DMD: variants seen among roughly 807,000 people sequenced by gnomAD.
The protein encoded by DMD is dystrophin, also known as mutant dystrophin.
Under a neutral mutation model 330.1 loss-of-function variants are expected in DMD, and 63 were observed. The observed-to-expected ratio is 0.19, with a 90% CI of 0.16 to 0.24. The LOEUF (loss-of-function observed/expected upper bound fraction) is 0.24, where lower values mean the gene tolerates loss of function less well. Among genes scored for constraint, DMD ranks in the 10% least tolerant of loss-of-function variants. The pLI is 1.00. For synonymous variants in DMD, 1,223 were observed against 959.8 expected (o/e 1.27, Z -5.07); for missense variants, 3,344 against 2,684.1 (o/e 1.25, Z -5.43).
chrX:32,618,062 T>G (rs903031910), intron 11 of DMD, among the ~76,000 whole-genome samples: 2 of 112,032 alleles, frequency 1.8e-5, no homozygotes, highest in Non-Finnish European at 3.8e-5. Flanking sequence ...TATACACTGT[T>G]TGTGGGAGTG....
chrX:31,822,351 T>C (rs2092779976), intron 49 of DMD, among the ~76,000 whole-genome samples: 1 of 111,951 alleles, frequency 8.9e-6, no homozygotes, highest in South Asian at 3.7e-4. Flanking sequence ...GTATCGAGCC[T>C]TAAAAAAGAA....
At chrX:33,191,480 G>A (rs1186579042) in intron 1 of DMD, among the ~76,000 whole-genome samples, 3 of 110,408 alleles carry the variant, frequency 2.7e-5, no homozygotes, top group African/African-American at 9.9e-5. Flanking sequence ...CTGGAGTGCA[G>A]TGGCACGAAC....
chrX:31,261,107 A>T, intron 62 of DMD, 91 bp from the exon 63 acceptor site: 1 of 839,818 alleles, frequency 1.2e-6, no homozygotes, highest in South Asian at 2.2e-5. Flanking sequence ...CAACAACATG[A>T]TTTTTGCTTT....
At chrX:32,007,930 A>G (rs904939123) in intron 44 of DMD, among the ~76,000 whole-genome samples, 17 of 112,078 alleles carry the variant, frequency 1.5e-4, no homozygotes, top group African/African-American at 4.9e-4. Flanking sequence ...AGACTACTGA[A>G]TAATTTTTCT....
At chrX:31,656,507 ATATTACC>A (rs1259389315) in intron 54 of DMD, among the ~76,000 whole-genome samples, 1 of 111,519 alleles carries the variant, frequency 9.0e-6, no homozygotes, top group Non-Finnish European at 1.9e-5. Context: ...CCCTTAGTTT[ATATTACC>A]TAAACTCATC....
chrX:33,298,733 C>T (rs1319988160), intron 1 of DMD, among the ~76,000 whole-genome samples: 1 of 111,743 alleles, frequency 8.9e-6, no homozygotes, highest in Non-Finnish European at 1.9e-5. Flanking sequence ...TGTTGTTGGT[C>T]TCAGGAAGAT....
At chrX:33,124,500 A>AAAAC (rs2095448085) in intron 1 of DMD, among the ~76,000 whole-genome samples, 1 of 104,392 alleles carries the variant, frequency 9.6e-6, no homozygotes, top group African/African-American at 3.7e-5. Flanking sequence ...AAAAAAAAAA[A>AAAAC]AAAAAAAAAA....
At chrX:32,302,068 A>C (rs1487711256) in intron 42 of DMD, among the ~76,000 whole-genome samples, 1 of 111,290 alleles carries the variant, frequency 9.0e-6, no homozygotes, top group African/African-American at 3.2e-5. Flanking sequence ...AATAAGTAAC[A>C]ACTAGCCTCG....
chrX:31,139,472 T>TACACACACACAC lies in DMD; in HGVS notation c.10922-5279_10922-5278insGTGTGTGTGTGT, dbSNP rs201931479. 7.4e-3 allele frequency among the ~76,000 whole-genome samples: 620 copies of TACACACACACAC among 83,434 alleles called. 8 individuals are homozygous for TACACACACACAC. Among genetic ancestry groups the TACACACACACAC allele is most frequent in the African/African-American group, 0.026 (591 of 22,416 alleles). 72.5% of individuals were successfully genotyped at this position (83,434 alleles called of 115,157 possible). A position where few individuals can be genotyped will look rare whatever the true frequency, so the allele number is the denominator to read the frequency against. On this transcript the variant is annotated intron_variant, in intron 76 of 78. Transcript: ENST00000357033. ...AAATGCAGTATGTACGTGGTGTTTA[T>TACACACACACAC]ATACACACACACACACACACACACA...
At chrX:31,369,967 T>C (rs1229125328) in intron 60 of DMD, among the ~76,000 whole-genome samples, 3 of 108,926 alleles carry the variant, frequency 2.8e-5, no homozygotes, top group South Asian at 4.0e-4. Flanking sequence ...GGTGTGGTGG[T>C]GGAGGCCTGT....
At chrX:31,243,571 A>C (rs184573773) in intron 63 of DMD, among the ~76,000 whole-genome samples, 3 of 112,843 alleles carry the variant, frequency 2.7e-5, no homozygotes, top group Non-Finnish European at 5.6e-5. Context: ...GCAGATATTT[A>C]AAAGAAAACA....
chrX:32,484,769 A>G, intron 21 of DMD, 150 bp downstream of exon 21: 1 of 567,483 alleles, frequency 1.8e-6, no homozygotes, highest in Non-Finnish European at 2.8e-6. Context: ...CTTATCTGTT[A>G]CACCAGTATT....
chrX:31,286,051 G>T (rs927463141), intron 62 of DMD, among the ~76,000 whole-genome samples: 8 of 111,961 alleles, frequency 7.1e-5, no homozygotes, highest in Non-Finnish European at 1.3e-4. Context: ...CTGCTTCTCA[G>T]ATCGGCATCT....
At chrX:32,338,637 TATA>T (rs962981892) in intron 41 of DMD, among the ~76,000 whole-genome samples, 3 of 111,804 alleles carry the variant, frequency 2.7e-5, no homozygotes, top group Non-Finnish European at 5.6e-5. Context: ...TAACATTGCT[TATA>T]ATTTTTTTCC....
intron 49 of DMD, among the ~76,000 whole-genome samples, chrX:31,822,218 A>G (rs1171219143): frequency 8.9e-6 from 1 of 112,098 alleles, no homozygotes; most frequent in Non-Finnish European, 1.9e-5. Context: ...GGTTACCCAC[A>G]AAAGCTAACA....
At chrX:32,807,121 T>TAAAAAAAAAA (rs1351302403) in intron 7 of DMD, among the ~76,000 whole-genome samples, 1 of 42,358 alleles carries the variant, frequency 2.4e-5, no homozygotes, top group African/African-American at 1.5e-4. Flanking sequence ...ACGGAAACAT[T>TAAAAAAAAAA]TAAAAAAAAA....
At chrX:32,819,851 A>T (rs947916027) in intron 5 of DMD, among the ~76,000 whole-genome samples, 117 of 94,477 alleles carry the variant, frequency 1.2e-3, no homozygotes, top group African/African-American at 6.2e-3. Flanking sequence ...GTTGGTGTAA[A>T]AAAAAAAAAA....
intron 44 of DMD, among the ~76,000 whole-genome samples, chrX:32,029,159 C>T (rs1470068333): frequency 9.0e-6 from 1 of 111,361 alleles, no homozygotes; most frequent in Non-Finnish European, 1.9e-5. Context: ...TCTGCTGGTT[C>T]TTTCCTCCTC....
chrX:31,388,630 G>A (rs909488581), intron 60 of DMD, among the ~76,000 whole-genome samples: 2 of 111,886 alleles, frequency 1.8e-5, no homozygotes, highest in East Asian at 2.8e-4. Flanking sequence ...GGCCAGGAGC[G>A]GTGGCTCATG....
Sources: gnomAD v4.1 joint callset for allele counts (sites outside exome capture counted in the v4.1 genomes callset) on GRCh38, gnomAD v4.1.1 for gene constraint, MANE v1.5 for transcripts, NCBI Gene and HGNC (gene_info 2026-07-23, HGNC 2026-07-21) for gene names.